Variants in FAM3B observed in about 807,000 individuals in gnomAD.
The protein encoded by FAM3B is FAM3 metabolism regulating signaling molecule B, also known as protein FAM3B.
Under a neutral mutation model 28.4 loss-of-function variants are expected in FAM3B, and 29 were observed. The ratio of observed to expected loss-of-function variants is 1.02; its 90% CI spans 0.76 to 1.39. The LOEUF is 1.39. Among genes scored for constraint, FAM3B ranks in the 40% most tolerant of loss-of-function variants. The probability of loss-of-function intolerance (pLI) is 0.00; values close to 1 mark genes in which losing one functional copy is unlikely to be tolerated. For missense variants in FAM3B, 266 were observed against 293.9 expected (o/e 0.91, Z 0.69); for synonymous variants, 91 against 103.0 (o/e 0.88, Z 0.71).
In FAM3B at chr21:41,348,612, A is replaced by G. The variant is rs1278342634; in HGVS notation, c.506A>G (p.Asn169Ser). The stretch of plus-strand genomic sequence containing the variant: ...TGCAGACTGAATAACGATGCCAAGA[A>G]TGCCATAGAAGCACTTGGAAGTAAA... The part of the protein sequence containing the change: ...GSTRLNNDAK[N>S]AIEALGSKEI... The change falls in exon 7 of 8, where the codon AAT (asparagine) becomes AGT (serine). Residue 169 changes from asparagine to serine, a missense_variant. Physicochemically the swap from Asn to Ser is conservative, Grantham distance 46. Transcript: ENST00000357985. 1 of 1,614,122 alleles carries G rather than the reference A, an allele frequency of 6.2e-7. No individual in the cohort carries two copies. Among genetic ancestry groups the G allele is most frequent in the Non-Finnish European group, 8.5e-7 (1 of 1,180,052 alleles).
In FAM3B at chr21:41,357,631, A is replaced by T. The variant is rs923173329; in HGVS notation, c.*434A>T. ...CTGCTGGGAGAATTAGCAGCAGTTCAGGGGGCTTATGTTATGTCCTTGTTC... is the reference window on the plus strand; with the variant it reads ...CTGCTGGGAGAATTAGCAGCAGTTCTGGGGGCTTATGTTATGTCCTTGTTC... On this transcript the variant is annotated 3_prime_UTR_variant, in exon 8 of 8. Coordinates refer to ENST00000357985, the MANE Select transcript of FAM3B (RefSeq NM_058186.4). Among the ~76,000 whole-genome samples, 7 of 152,182 alleles carry T rather than the reference A, an allele frequency of 4.6e-5. No homozygotes were observed. The highest frequency in any genetic ancestry group is 3.3e-4 in the Admixed American group (5 of 15,276).
Position 41,345,687 on chromosome 21 carries a change from T to C in FAM3B, c.348T>C (p.Tyr116=). 2 of 1,539,126 alleles carry C rather than the reference T, an allele frequency of 1.3e-6. No individual in the cohort carries two copies. Among genetic ancestry groups the C allele is most frequent in the South Asian group, 1.2e-5 (1 of 80,108 alleles). ...ARGINIAIVN[Y]VTGNVTATRC... is the part of the protein sequence containing the mutation. ...AAATACCATTTCTTTTATTTTCAGA[T>C]GTAACTGGGAATGTGACAGCAACAC... Residue 116 remains tyrosine, a splice_region_variant and synonymous_variant, in exon 5 of 8, where the codon TAT becomes TAC. Transcript: ENST00000357985.
upstream of FAM3B, among the ~76,000 whole-genome samples, chr21:41,312,685 C>A (rs1293999281): frequency 2.6e-5 from 4 of 151,752 alleles, no homozygotes; most frequent in African/African-American, 9.7e-5. Context: ...AGTTATGAAG[C>A]AGAAAAAGCC....
intron 3 of FAM3B, among the ~76,000 whole-genome samples, chr21:41,340,575 A>G (rs563145335): frequency 1.3e-5 from 2 of 152,230 alleles, no homozygotes; most frequent in Non-Finnish European, 2.9e-5. Context: ...CTATTTCCAC[A>G]TGAGTTTGAG....
In FAM3B at chr21:41,326,867, G is replaced by A. The variant is rs1256240287; in HGVS notation, c.163+3801G>A. On this transcript the variant is annotated intron_variant, in intron 2 of 7. Transcript: ENST00000357985. This position sits in a 1 kb window ranked among gnomAD's most constrained non-coding sequence, Gnocchi z 4.0. The stretch of plus-strand genomic sequence containing the variant: ...CCCAGCCCACTGTTCTGCACCTGGG[G>A]CCCTTTTCACCCAAGCTCCTCGTTT... Among the ~76,000 whole-genome samples the A allele has an allele frequency of 6.6e-6, 1 of 152,198 alleles. No individual in the cohort carries two copies. Among genetic ancestry groups the A allele is most frequent in the Non-Finnish European group, 1.5e-5 (1 of 68,028 alleles).
chr21:41,313,033 A>G (rs2088724828), upstream of FAM3B, among the ~76,000 whole-genome samples: 1 of 152,158 alleles, frequency 6.6e-6, no homozygotes, highest in African/African-American at 2.4e-5. Flanking sequence ...AGGAGGTGGG[A>G]ACATCCTGAA....
At chr21:41,345,373 G>A (rs1228922760) in intron 4 of FAM3B, among the ~76,000 whole-genome samples, 2 of 151,952 alleles carry the variant, frequency 1.3e-5, no homozygotes, top group South Asian at 2.1e-4. Flanking sequence ...GGGATGAGGC[G>A]GGTGGGCCTG....
intron 2 of FAM3B, among the ~76,000 whole-genome samples, chr21:41,328,455 T>C (rs1324497611): frequency 6.6e-6 from 1 of 152,142 alleles, no homozygotes; most frequent in Non-Finnish European, 1.5e-5. Context: ...CGTTTTCATA[T>C]GAGCAATTGG....
intron 2 of FAM3B, among the ~76,000 whole-genome samples, chr21:41,333,645 A>G (rs2088927110): frequency 6.6e-6 from 1 of 152,224 alleles, no homozygotes; most frequent in Non-Finnish European, 1.5e-5. Flanking sequence ...CCAGTCTCAG[A>G]TATTTCTTTC....
At chr21:41,327,202 A>G (rs1009786750) in intron 2 of FAM3B, among the ~76,000 whole-genome samples, 6 of 152,258 alleles carry the variant, frequency 3.9e-5, no homozygotes, top group Non-Finnish European at 8.8e-5. Flanking sequence ...GTTATTCGAT[A>G]TGTTTGCAGT....
chr21:41,327,118 A>G (rs1255564645), intron 2 of FAM3B, among the ~76,000 whole-genome samples: 1 of 152,248 alleles, frequency 6.6e-6, no homozygotes, highest in African/African-American at 2.4e-5. Context: ...TATTTAATGC[A>G]TCTGAAATAA....
intron 2 of FAM3B, among the ~76,000 whole-genome samples, chr21:41,330,151 A>AC (rs1555870393): frequency 4.0e-5 from 6 of 150,434 alleles, no homozygotes; most frequent in South Asian, 2.1e-4. Context: ...AAAAAAAAAA[A>AC]CATAATACAG....
intron 3 of FAM3B, among the ~76,000 whole-genome samples, chr21:41,342,898 C>CT (rs1039204800): frequency 1.3e-5 from 2 of 152,110 alleles, no homozygotes; most frequent in African/African-American, 2.4e-5. Context: ...GATCCTGCAC[C>CT]TGTTTTTTAA....
chr21:41,346,568 T>TGGTGTG (rs979629917), intron 5 of FAM3B, among the ~76,000 whole-genome samples: 4 of 152,134 alleles, frequency 2.6e-5, no homozygotes, highest in Non-Finnish European at 4.4e-5. Context: ...TCAGTGGTCG[T>TGGTGTG]GGTGTGGGTG....
At position 41,344,373 on chromosome 21, in the gene FAM3B, G is replaced by A. The variant is rs951774115; in HGVS notation, c.288-103G>A. 5.8e-6 allele frequency: 6 copies of A among 1,040,336 alleles called. No homozygotes were observed. The East Asian group carries it at 1.2e-4, about 22-fold the overall frequency. The allele number at this position is 1,040,336 out of a possible 1,614,324, so 64.4% of individuals were successfully genotyped here. A position where few individuals can be genotyped will look rare whatever the true frequency, so the allele number is the denominator to read the frequency against. ...GAATGCAGACTTTCAAGGAAAAGGT[G>A]GGGGACAGCAGATGAGACTGACATT... is the stretch of plus-strand genomic sequence containing the variant. On this transcript the variant is annotated intron_variant, in intron 3 of 7. Transcript: ENST00000357985.
chr21:41,305,849 ATT>A (rs757110270), intron 1 of FAM3B, among the ~76,000 whole-genome samples: 4 of 152,300 alleles, frequency 2.6e-5, no homozygotes, highest in African/African-American at 4.8e-5. Context: ...GGCTGTGGCA[ATT>A]TCTTAAAAGA....
At chr21:41,305,503 A>G (rs190091528) in intron 1 of FAM3B, among the ~76,000 whole-genome samples, 3,731 of 152,274 alleles carry the variant, frequency 0.025, 164 homozygotes, top group African/African-American at 0.085. Flanking sequence ...GCTTAAGAAA[A>G]AAAAACCTGT....
chr21:41,345,891 CT>C lies in FAM3B; in HGVS notation c.397+157del, dbSNP rs1469247916. The stretch of plus-strand genomic sequence containing the variant: ...TCTAGAGTGGTCTTATGTAGATCCT[CT>C]TAAACTCTAATTGAATTCATAGAAC... On this transcript the variant is annotated intron_variant, in intron 5 of 7. Transcript: ENST00000357985. 5 of 599,282 alleles carry C rather than the reference CT, an allele frequency of 8.3e-6. No individual in the cohort carries two copies. The East Asian group carries it at 1.6e-4, about 19-fold the overall frequency. 37.1% of individuals were successfully genotyped at this position (599,282 alleles called of 1,614,324 possible). A position where few individuals can be genotyped will look rare whatever the true frequency, so the allele number is the denominator to read the frequency against.
intron 1 of FAM3B, among the ~76,000 whole-genome samples, chr21:41,317,250 A>G (rs1453416676): frequency 7.1e-6 from 1 of 141,076 alleles, no homozygotes; most frequent in African/African-American, 2.6e-5. Context: ...ACAGCCCCGC[A>G]CCCCCACCCC....
Sources: allele counts gnomAD v4.1 joint callset (sites outside exome capture counted in the v4.1 genomes callset), GRCh38; gene constraint gnomAD v4.1.1; non-coding constraint Gnocchi (gnomAD v3.1); transcripts MANE v1.5; gene names NCBI Gene and HGNC (gene_info 2026-07-23, HGNC 2026-07-21).